AIG1: variants seen among roughly 807,000 people sequenced by gnomAD.
AIG1 encodes the protein androgen induced 1.
In AIG1, 23 loss-of-function variants were observed where a neutral mutation model predicts 31.4. That is an observed-to-expected ratio of 0.73 (90% CI 0.53 to 1.04). The LOEUF (loss-of-function observed/expected upper bound fraction) is 1.04, where lower values mean the gene tolerates loss of function less well. AIG1 is among the 50% of genes least tolerant of loss of function. The pLI is 0.00. For synonymous variants in AIG1, 100 were observed against 110.5 expected, an observed-to-expected ratio of 0.90 and a Z score of 0.60; for missense variants, 274 against 295.0, an observed-to-expected ratio of 0.93 and a Z score of 0.52.
intron 3 of AIG1, chr6:143,190,718 CTATCT>C: frequency 1.7e-6 from 1 of 592,164 alleles, no homozygotes; most frequent in Non-Finnish European, 2.1e-6. Flanking sequence ...CTTTGCTTTC[CTATCT>C]TATCATTGCA....
At chr6:143,184,061 C>G (rs1048201321) in intron 3 of AIG1, among the ~76,000 whole-genome samples, 4 of 152,208 alleles carry the variant, frequency 2.6e-5, no homozygotes, top group African/African-American at 9.6e-5. Flanking sequence ...ATCCTAGAAT[C>G]CTAAACTTGT....
chr6:143,267,916 G>A (rs7759588), intron 3 of AIG1, among the ~76,000 whole-genome samples: 3,548 of 152,212 alleles, frequency 0.023, 107 homozygotes, highest in African/African-American at 0.08. Context: ...GTAGGTACGA[G>A]GAAGGATCTG....
intron 2 of AIG1, among the ~76,000 whole-genome samples, chr6:143,158,815 C>T (rs1786046931): frequency 6.6e-6 from 1 of 152,180 alleles, no homozygotes; most frequent in Non-Finnish European, 1.5e-5. Flanking sequence ...GGTACTTGCT[C>T]CTGTGGGAGA....
intron 1 of AIG1, among the ~76,000 whole-genome samples, chr6:143,097,422 C>T (rs1270563097): frequency 6.6e-6 from 1 of 152,178 alleles, no homozygotes; most frequent in Non-Finnish European, 1.5e-5. Flanking sequence ...CAATCTTACT[C>T]ATTTGAAAAA....
In AIG1 at chr6:143,269,940, A is replaced by G. The variant is rs186320802; in HGVS notation, c.400-14170A>G. Among the ~76,000 whole-genome samples, 139 of 152,252 alleles carry G rather than the reference A, an allele frequency of 9.1e-4. 1 individual carries two copies. Among genetic ancestry groups the G allele is most frequent in the Non-Finnish European group, 8.8e-5 (6 of 68,020 alleles). On this transcript the variant is annotated intron_variant, in intron 3 of 5. Coordinates refer to ENST00000357847, the MANE Select transcript of AIG1 (RefSeq NM_016108.4). ...GGAACATTTGTTGATTTTTCTGGAC[A>G]CTCACTATTTGTGCACTTTTCTGTG...
chr6:143,339,870 A>C lies in AIG1; in HGVS notation c.*194A>C, dbSNP rs1777783813. On this transcript the variant is annotated 3_prime_UTR_variant, in exon 6 of 6. Coordinates refer to ENST00000357847, the MANE Select transcript of AIG1 (RefSeq NM_016108.4). ...GTTGTTTCCAAAAGAACTCACCCTC[A>C]CTGTGTGTTAAAGAATTCTTCCCAA... is the stretch of plus-strand genomic sequence containing the variant. 2.3e-6 allele frequency: 1 copy of C among 426,286 alleles called. No individual in the cohort carries two copies. The allele number at this position is 426,286 out of a possible 1,614,324, so 26.4% of individuals were successfully genotyped here.
rs1293781795 is a variant in AIG1 at position 143,291,395 on chromosome 6, G to T, written c.515+7170G>T. ...AGGGGGTGTTAAAGAGGTCTAGCTGGAGCCAGCCAGATCCCCCACATAAGG... is the reference window on the plus strand; with the variant it reads ...AGGGGGTGTTAAAGAGGTCTAGCTGTAGCCAGCCAGATCCCCCACATAAGG... On this transcript the variant is annotated intron_variant, in intron 4 of 5. Coordinates refer to ENST00000357847, the MANE Select transcript of AIG1 (RefSeq NM_016108.4). This position sits in a 1 kb window ranked among gnomAD's most constrained non-coding sequence, Gnocchi z 4.2. Among the ~76,000 whole-genome samples, 1 of 152,108 alleles carries T rather than the reference G, an allele frequency of 6.6e-6. No individual in the cohort carries two copies. Among genetic ancestry groups the T allele is most frequent in the African/African-American group, 2.4e-5 (1 of 41,402 alleles).
In AIG1 at chr6:143,258,374, G is replaced by C. The variant is rs1465409981; in HGVS notation, c.400-25736G>C. On this transcript the variant is annotated intron_variant, in intron 3 of 5. Coordinates refer to ENST00000357847, the MANE Select transcript of AIG1 (RefSeq NM_016108.4). This position sits in a 1 kb window ranked among gnomAD's most constrained non-coding sequence, Gnocchi z 4.7. ...ATTCAAATCATCAGTAGAATTGTTT[G>C]TACTGATTCAGCAATGCTGATTGTA... Among the ~76,000 whole-genome samples, 1 of 152,186 alleles carries C rather than the reference G, an allele frequency of 6.6e-6. No homozygotes were observed. The highest frequency in any genetic ancestry group is 1.5e-5 in the Non-Finnish European group (1 of 68,040).
chr6:143,174,618 A>G (rs1321913229), intron 3 of AIG1, among the ~76,000 whole-genome samples: 1 of 152,148 alleles, frequency 6.6e-6, no homozygotes, highest in Non-Finnish European at 1.5e-5. Context: ...TCTCCTGAAG[A>G]CACCAGATAC....
intron 3 of AIG1, among the ~76,000 whole-genome samples, chr6:143,250,899 G>A (rs1327966623): frequency 6.6e-6 from 1 of 152,150 alleles, no homozygotes; most frequent in Non-Finnish European, 1.5e-5. Flanking sequence ...TTTTTCCAAT[G>A]TGGCCCAAGG....
chr6:143,339,305 C>T (rs558131709), intron 5 of AIG1: 30 of 175,892 alleles, frequency 1.7e-4, no homozygotes, highest in African/African-American at 5.4e-4. Flanking sequence ...GTTTAAAAAG[C>T]AGTCTAGCTG....
chr6:143,098,854 A>G (rs1307576666), intron 1 of AIG1, among the ~76,000 whole-genome samples: 1 of 152,066 alleles, frequency 6.6e-6, no homozygotes, highest in Non-Finnish European at 1.5e-5. Context: ...CATTTATTTG[A>G]ATTGGACTAA....
chr6:143,219,446 G>A (rs542624340), intron 3 of AIG1, among the ~76,000 whole-genome samples: 2 of 152,208 alleles, frequency 1.3e-5, no homozygotes, highest in African/African-American at 4.8e-5. Context: ...CTCTTGCCCG[G>A]GTGACAGATT....
chr6:143,242,608 G>A (rs1358999703), intron 3 of AIG1, among the ~76,000 whole-genome samples: 1 of 152,168 alleles, frequency 6.6e-6, no homozygotes, highest in South Asian at 2.1e-4. Flanking sequence ...ATGCAGCCAC[G>A]TTGTTAGAGT....
intron 1 of AIG1, among the ~76,000 whole-genome samples, chr6:143,071,443 A>G (rs142134374): frequency 0.017 from 2,663 of 152,326 alleles, 43 homozygotes; most frequent in Non-Finnish European, 0.024. Flanking sequence ...TCTCTGATAT[A>G]AACATCCAAG....
At chr6:143,177,094 C>T (rs1468836684) in intron 3 of AIG1, among the ~76,000 whole-genome samples, 1 of 152,176 alleles carries the variant, frequency 6.6e-6, no homozygotes, top group Non-Finnish European at 1.5e-5. Context: ...TTGAAGTTCT[C>T]AATTTTATTT....
chr6:143,150,174 T>G (rs1263241407), intron 2 of AIG1, among the ~76,000 whole-genome samples: 5 of 152,188 alleles, frequency 3.3e-5, no homozygotes, highest in Non-Finnish European at 7.4e-5. Flanking sequence ...TTTGAGGTGG[T>G]GTAAGTCAAA....
At chr6:143,304,770 T>C (rs1799122219) in intron 4 of AIG1, among the ~76,000 whole-genome samples, 1 of 152,002 alleles carries the variant, frequency 6.6e-6, no homozygotes. Context: ...TCCCTCTTTT[T>C]CTATTGATTG....
intron 3 of AIG1, chr6:143,187,355 C>T (rs1249860366): frequency 1.3e-6 from 2 of 1,505,446 alleles, no homozygotes; most frequent in African/African-American, 2.8e-5. Flanking sequence ...TTGCTGCATT[C>T]CATGGTGTCT....
Sources: gnomAD v4.1 joint callset for allele counts (sites outside exome capture counted in the v4.1 genomes callset) on GRCh38, gnomAD v4.1.1 for gene constraint, Gnocchi (gnomAD v3.1) non-coding constraint, MANE v1.5 for transcripts, NCBI Gene and HGNC (gene_info 2026-07-23, HGNC 2026-07-21) for gene names.